FRMD6: variants seen among roughly 807,000 people sequenced by gnomAD.
The protein encoded by FRMD6 is FERM domain containing 6.
A neutral mutation model predicts 73.2 loss-of-function variants in FRMD6; 37 were observed. The observed-to-expected ratio is 0.51, with a 90% confidence interval of 0.39 to 0.66. The LOEUF (loss-of-function observed/expected upper bound fraction) is 0.66. Among genes scored for constraint, FRMD6 ranks in the 30% least tolerant of loss-of-function variants. FRMD6 has a pLI of 0.00. For synonymous variants in FRMD6, 273 were observed against 282.2 expected (o/e 0.97, Z 0.33); for missense variants, 714 against 780.5 (o/e 0.91, Z 1.02).
the FRMD6 span, among the ~76,000 whole-genome samples, chr14:51,415,375 A>G: frequency 6.6e-6 from 1 of 152,148 alleles, no homozygotes; most frequent in Non-Finnish European, 1.5e-5. Flanking sequence ...AGGCTGTTGA[A>G]TTTTGTCAAA....
the FRMD6 span, among the ~76,000 whole-genome samples, chr14:51,399,869 C>T: frequency 3.0e-4 from 45 of 150,624 alleles, no homozygotes; most frequent in Non-Finnish European, 5.6e-4. Flanking sequence ...CAAATACAGG[C>T]GAATAAGAAA....
intron 1 of FRMD6, chr14:51,491,286 C>T (rs891113690): frequency 3.9e-5 from 6 of 152,304 alleles, no homozygotes; most frequent in African/African-American, 1.4e-4. Flanking sequence ...TAAAGGTCAC[C>T]TCAGTACCAG....
intron 1 of FRMD6, among the ~76,000 whole-genome samples, chr14:51,553,083 A>G (rs945950316): frequency 6.6e-6 from 1 of 152,214 alleles, no homozygotes; most frequent in Non-Finnish European, 1.5e-5. Flanking sequence ...TACATTGTGA[A>G]TAAGTCCTGA....
At chr14:51,646,318 CAAAAAAA>C (rs34495089) in intron 2 of FRMD6, among the ~76,000 whole-genome samples, 2 of 69,266 alleles carry the variant, frequency 2.9e-5, no homozygotes, top group African/African-American at 6.0e-5. Context: ...ACTCCATATC[CAAAAAAA>C]AAAAAAAAAA....
intron 1 of FRMD6, among the ~76,000 whole-genome samples, chr14:51,503,010 T>C (rs1883708933): frequency 6.6e-6 from 1 of 152,184 alleles, no homozygotes; most frequent in Admixed American, 6.5e-5. Context: ...CTATTATTGG[T>C]ATATAGGAAT....
In FRMD6 at chr14:51,727,941, A is replaced by G. The variant is rs1293408098; in HGVS notation, c.1781A>G (p.Asn594Ser). Reference protein sequence around the residue: ...CNSCLAQQCINIQDAFPVKRT... With the variant: ...CNSCLAQQCISIQDAFPVKRT... ...AGTTGCTTGGCCCAGCAGTGCATCA[A>G]CATCCAAGATGCTTTTCCAGTCAAA... Residue 594 changes from asparagine (N) to serine (S), a missense_variant, in exon 14 of 14, where the codon AAC (asparagine) becomes AGC (serine). Physicochemically the swap from Asn to Ser is conservative, Grantham distance 46. Transcript: ENST00000344768. 2 of 1,614,148 alleles carry G rather than the reference A, an allele frequency of 1.2e-6. No individual in the cohort carries two copies. Among genetic ancestry groups the G allele is most frequent in the East Asian group, 2.2e-5 (1 of 44,890 alleles).
chr14:51,656,444 C>T (rs11852098), intron 1 of FRMD6, among the ~76,000 whole-genome samples: 19,338 of 149,558 alleles, frequency 0.13, 1,408 homozygotes, highest in Middle Eastern at 0.19. Flanking sequence ...GGCGGAGTCT[C>T]GCCCTGTCGC....
chr14:51,463,375 C>A, the FRMD6 span, among the ~76,000 whole-genome samples: 1 of 152,238 alleles, frequency 6.6e-6, no homozygotes, highest in African/African-American at 2.4e-5. Context: ...AATACCTACA[C>A]ATCACTTAAT....
chr14:51,507,424 C>T (rs538373819), intron 1 of FRMD6, among the ~76,000 whole-genome samples: 1 of 152,264 alleles, frequency 6.6e-6, no homozygotes, highest in African/African-American at 2.4e-5. Context: ...CTGTTAATAT[C>T]CAAGCTAGCT....
chr14:51,453,513 CTT>C, the FRMD6 span, among the ~76,000 whole-genome samples: 2 of 152,170 alleles, frequency 1.3e-5, no homozygotes, highest in African/African-American at 4.8e-5. Context: ...ATTCAGAGTA[CTT>C]TAAGGTACAG....
In FRMD6 at chr14:51,688,977, AT is replaced by A. The variant is rs137915725; in HGVS notation, c.-146-708del. On this transcript the variant is annotated intron_variant, in intron 1 of 13. Transcript: ENST00000344768. ...TAGATATGAGAGGCATCCAAAATCCATTTTTTCTATACAAACATGGTTTGAT... is the reference window on the plus strand; with the variant it reads ...TAGATATGAGAGGCATCCAAAATCCATTTTTCTATACAAACATGGTTTGAT... 4.2e-3 allele frequency among the ~76,000 whole-genome samples: 645 copies of A among 152,272 alleles called. 10 individuals are homozygous for A. Among genetic ancestry groups the A allele is most frequent in the East Asian group, 0.037 (191 of 5,188 alleles).
chr14:51,550,194 C>T (rs1886732796), intron 1 of FRMD6, among the ~76,000 whole-genome samples: 1 of 152,076 alleles, frequency 6.6e-6, no homozygotes, highest in Non-Finnish European at 1.5e-5. Context: ...TTTTCTCATC[C>T]CTAAATCCAC....
At chr14:51,713,151 T>G (rs760207721) in intron 9 of FRMD6, among the ~76,000 whole-genome samples, 1 of 152,098 alleles carries the variant, frequency 6.6e-6, no homozygotes, top group Non-Finnish European at 1.5e-5. Flanking sequence ...ATGTGTACAT[T>G]TGGTCATAAA....
At chr14:51,662,957 G>A (rs575591061) in intron 1 of FRMD6, among the ~76,000 whole-genome samples, 3 of 152,074 alleles carry the variant, frequency 2.0e-5, no homozygotes, top group East Asian at 1.9e-4. Flanking sequence ...TAAAATGTGG[G>A]CAAATGACAT....
At chr14:51,661,775 C>T (rs1022538905) in intron 1 of FRMD6, among the ~76,000 whole-genome samples, 9 of 152,116 alleles carry the variant, frequency 5.9e-5, no homozygotes, top group Non-Finnish European at 1.0e-4. Flanking sequence ...AGATGAAAAC[C>T]TTATTGGAGT....
chr14:51,536,352 C>A (rs557717147), intron 1 of FRMD6, among the ~76,000 whole-genome samples: 16 of 152,164 alleles, frequency 1.1e-4, no homozygotes, highest in African/African-American at 3.9e-4. Context: ...CTCAGCCTCC[C>A]AAATTGCCAG....
intron 2 of FRMD6, among the ~76,000 whole-genome samples, chr14:51,572,545 T>C (rs1405932928): frequency 6.6e-6 from 1 of 152,204 alleles, no homozygotes; most frequent in Non-Finnish European, 1.5e-5. Context: ...AGAAAGGGGA[T>C]TCTTAGAGGA....
chr14:51,429,467 C>G, the FRMD6 span, among the ~76,000 whole-genome samples: 1 of 152,234 alleles, frequency 6.6e-6, no homozygotes, highest in Middle Eastern at 3.4e-3. Flanking sequence ...TTTATCCACA[C>G]ATTACCAAAC....
At chr14:51,433,156 C>T in the FRMD6 span, among the ~76,000 whole-genome samples, 1 of 152,176 alleles carries the variant, frequency 6.6e-6, no homozygotes, top group Non-Finnish European at 1.5e-5. Flanking sequence ...GCTACATGTG[C>T]GTTTACTGTT....
Sources: gnomAD v4.1 joint callset for allele counts (sites outside exome capture counted in the v4.1 genomes callset) on GRCh38, gnomAD v4.1.1 for gene constraint, MANE v1.5 for transcripts, NCBI Gene and HGNC (gene_info 2026-07-23, HGNC 2026-07-21) for gene names.